The following UNC80 variants were observed in gnomAD, a reference collection of about 807,000 sequenced individuals.
UNC80 encodes the protein unc-80 subunit of NALCN channel complex, also known as protein unc-80 homolog.
In UNC80, 164 loss-of-function variants were observed where a neutral mutation model predicts 384.6. The ratio of observed to expected loss-of-function variants is 0.43; its 90% CI spans 0.38 to 0.49. The LOEUF (loss-of-function observed/expected upper bound fraction) is 0.49. UNC80 is among the 20% of genes least tolerant of loss of function. UNC80 has a pLI of 0.00. For synonymous variants in UNC80, 1,486 were observed against 1,527.8 expected (o/e 0.97, Z 0.64); for missense variants, 3,330 against 4,143.0 (o/e 0.80, Z 5.39).
chr2:209,831,292 A>C, intron 15 of UNC80, 151 bp from the exon 16 acceptor site: 15 of 750,610 alleles, frequency 2.0e-5, no homozygotes, highest in Non-Finnish European at 3.1e-5. Flanking sequence ...ACATCTGCCT[A>C]GAGATTATTA....
intron 23 of UNC80, among the ~76,000 whole-genome samples, chr2:209,875,121 A>G (rs1409317957): frequency 1.3e-5 from 2 of 152,136 alleles, no homozygotes; most frequent in Non-Finnish European, 2.9e-5. Context: ...AGATCTTCCT[A>G]CAGCCCAGCC....
chr2:209,995,623 T>G lies in UNC80; in HGVS notation c.*28T>G, dbSNP rs1249685600. On this transcript the variant is annotated 3_prime_UTR_variant, in exon 65 of 65. Transcript: ENST00000673920. ...CTGTATCTTGTAAGCTCTGCAGGTATAGAGAAGACATGAAAGTGATCTCTC... is the reference window on the plus strand; with the variant it reads ...CTGTATCTTGTAAGCTCTGCAGGTAGAGAGAAGACATGAAAGTGATCTCTC... 1.3e-6 allele frequency: 2 copies of G among 1,546,844 alleles called. No individual in the cohort carries two copies. The highest frequency in any genetic ancestry group is 1.2e-5 in the South Asian group (1 of 83,588).
At chr2:209,808,839 C>G in intron 7 of UNC80, 1 of 341,924 alleles carries the variant, frequency 2.9e-6, no homozygotes, top group Non-Finnish European at 5.6e-6. Context: ...AGCTCCCTGA[C>G]CCTGATCGGA....
At chr2:209,980,125 G>T (rs1310952816) in intron 59 of UNC80, among the ~76,000 whole-genome samples, 6 of 152,144 alleles carry the variant, frequency 3.9e-5, no homozygotes, top group African/African-American at 7.2e-5. Context: ...ACCTAAAGTT[G>T]TAATTAGGGA....
intron 22 of UNC80, among the ~76,000 whole-genome samples, chr2:209,862,696 A>G (rs945887342): frequency 2.0e-5 from 2 of 100,772 alleles, no homozygotes; most frequent in African/African-American, 7.9e-5. Flanking sequence ...TAAATTTTCT[A>G]CCATCTCTTT....
At chr2:209,830,263 A>G (rs1374069613) in intron 15 of UNC80, among the ~76,000 whole-genome samples, 1 of 152,226 alleles carries the variant, frequency 6.6e-6, no homozygotes, top group Non-Finnish European at 1.5e-5. Flanking sequence ...TTCACATTAA[A>G]ATAAAATATT....
intron 7 of UNC80, among the ~76,000 whole-genome samples, chr2:209,800,079 A>G (rs1025425321): frequency 2.0e-5 from 3 of 152,210 alleles, no homozygotes; most frequent in Admixed American, 6.5e-5. Context: ...TGCTGGCTTC[A>G]TAAATGAGTT....
At chr2:209,885,184 G>T (rs2085671180) in intron 25 of UNC80, among the ~76,000 whole-genome samples, 2 of 152,216 alleles carry the variant, frequency 1.3e-5, no homozygotes, top group South Asian at 4.2e-4. Flanking sequence ...AATATTTATT[G>T]AGAATAAAGT....
At chr2:209,807,552 A>G (rs1343260022) in intron 7 of UNC80, among the ~76,000 whole-genome samples, 1 of 151,766 alleles carries the variant, frequency 6.6e-6, no homozygotes, top group East Asian at 1.9e-4. Flanking sequence ...TTTAGTAGAA[A>G]CGGGGTTTCA....
intron 47 of UNC80, among the ~76,000 whole-genome samples, chr2:209,951,799 C>A (rs538709881): frequency 6.6e-6 from 1 of 151,928 alleles, no homozygotes; most frequent in South Asian, 2.1e-4. Context: ...TACCTCTATC[C>A]CATTTTCCCT....
chr2:209,910,530 CCACCAGAACA>C (rs1298653958), intron 29 of UNC80, among the ~76,000 whole-genome samples: 1 of 152,018 alleles, frequency 6.6e-6, no homozygotes, highest in African/African-American at 2.4e-5. Context: ...TGTCATGAGG[CCACCAGAACA>C]CACCATGCTT....
intron 21 of UNC80, among the ~76,000 whole-genome samples, chr2:209,846,576 A>C (rs1057353848): frequency 2.7e-4 from 41 of 152,118 alleles, no homozygotes; most frequent in African/African-American, 9.6e-4. Flanking sequence ...ATATTAAAAA[A>C]CAAGTAGGAT....
chr2:209,867,682 G>C (rs907929733), intron 22 of UNC80, among the ~76,000 whole-genome samples: 3 of 151,798 alleles, frequency 2.0e-5, no homozygotes, highest in Admixed American at 6.6e-5. Context: ...CTTTTAACTT[G>C]TGGCCCATTG....
At chr2:209,977,858 A>T (rs1305072491) in intron 58 of UNC80, among the ~76,000 whole-genome samples, 6 of 152,226 alleles carry the variant, frequency 3.9e-5, no homozygotes, top group Non-Finnish European at 8.8e-5. Flanking sequence ...CCCACAAGTA[A>T]AATGTAATAT....
At position 209,813,572 on chromosome 2, in the gene UNC80, T is replaced by C; in HGVS notation, c.939-8T>C. 1.3e-6 allele frequency: 2 copies of C among 1,547,382 alleles called. No homozygotes were observed. Among genetic ancestry groups the C allele is most frequent in the South Asian group, 2.4e-5 (2 of 83,932 alleles). On this transcript the variant is annotated splice_region_variant and splice_polypyrimidine_tract_variant and intron_variant, in intron 7 of 64. Coordinates refer to ENST00000673920, the MANE Select transcript of UNC80 (RefSeq NM_001371986.1). ...CAGTATAATTATCTTCTTTCTGCCA[T>C]GGAACAGGGCCTCTCTTGTGATACC...
intron 5 of UNC80, among the ~76,000 whole-genome samples, chr2:209,787,513 T>C (rs1174895228): frequency 6.6e-6 from 1 of 152,198 alleles, no homozygotes. Context: ...AAATGAGTTA[T>C]AGTTTTGCGC....
At position 209,818,336 on chromosome 2, in the gene UNC80, A is replaced by AT. The variant is rs111960749; in HGVS notation, c.1693+398dup. 2.6e-3 allele frequency among the ~76,000 whole-genome samples: 373 copies of AT among 144,394 alleles called. 2 individuals are homozygous for AT. Among genetic ancestry groups the AT allele is most frequent in the Middle Eastern group, 3.6e-3 (1 of 278 alleles). 94.7% of individuals were successfully genotyped at this position (144,394 alleles called of 152,430 possible). ...AAGTCACTGCCTTCCAAGGCCACCA[A>AT]TTTTTTTTTTTTTTGAGACAGCTTC... On this transcript the variant is annotated intron_variant, in intron 11 of 64. Transcript: ENST00000673920.
chr2:209,940,817 A>AAAAAAAC (rs1279325631), intron 43 of UNC80, among the ~76,000 whole-genome samples: 2 of 152,120 alleles, frequency 1.3e-5, no homozygotes, highest in African/African-American at 4.8e-5. Flanking sequence ...ACTCCATCTC[A>AAAAAAAC]AAAAAACAAA....
chr2:209,860,061 G>T (rs1423715073), intron 22 of UNC80, among the ~76,000 whole-genome samples: 1 of 152,034 alleles, frequency 6.6e-6, no homozygotes, highest in Non-Finnish European at 1.5e-5. Context: ...TGCTTTTGTT[G>T]CAATTGCTTT....
Sources: allele counts gnomAD v4.1 joint callset (sites outside exome capture counted in the v4.1 genomes callset), GRCh38; gene constraint gnomAD v4.1.1; transcripts MANE v1.5; gene names NCBI Gene and HGNC (gene_info 2026-07-23, HGNC 2026-07-21).